Variants in ZAP70 observed in about 807,000 individuals in gnomAD.
The protein encoded by ZAP70 is zeta chain of T cell receptor associated protein kinase 70.
Under a neutral mutation model 65.8 loss-of-function variants are expected in ZAP70, and 27 were observed. That is an observed-to-expected ratio of 0.41 (90% CI 0.30 to 0.57). The LOEUF (loss-of-function observed/expected upper bound fraction) is 0.57. ZAP70 is among the 20% of genes least tolerant of loss of function. The pLI is 0.28. For synonymous variants in ZAP70, 363 were observed against 360.8 expected, an observed-to-expected ratio of 1.01 and a Z score of -0.07; for missense variants, 696 against 870.5, an observed-to-expected ratio of 0.80 and a Z score of 2.52.
At chr2:97,744,773 C>T (rs1241530555), downstream of ZAP70, among the ~76,000 whole-genome samples, 4 of 152,140 alleles carry the variant, frequency 2.6e-5, no homozygotes, top group Non-Finnish European at 5.9e-5. Flanking sequence ...GGTACCAGGA[C>T]AACTTGATTT....
At chr2:97,726,916 C>A (rs1329386938) in intron 4 of ZAP70, among the ~76,000 whole-genome samples, 1 of 152,236 alleles carries the variant, frequency 6.6e-6, no homozygotes, top group Non-Finnish European at 1.5e-5. Context: ...CAGTTTATTG[C>A]TCTTCATGAT....
intron 4 of ZAP70, 113 bp downstream of exon 4, chr2:97,725,365 C>T (rs536768729): frequency 2.3e-6 from 3 of 1,331,602 alleles, no homozygotes; most frequent in African/African-American, 2.9e-5. Flanking sequence ...TCCCTGTGCT[C>T]ACATGTGCAA....
Position 97,730,878 on chromosome 2 carries a change from A to T in ZAP70, c.564-2005A>T, listed in dbSNP as rs537866679. 3.5e-3 allele frequency among the ~76,000 whole-genome samples: 536 copies of T among 152,120 alleles called. 1 individual carries two copies. Among genetic ancestry groups the T allele is most frequent in the Non-Finnish European group, 5.2e-3 (351 of 67,984 alleles). On this transcript the variant is annotated intron_variant, in intron 4 of 13. Transcript: ENST00000264972. Reference sequence around the variant, plus strand: ...AGACCATCCTATCTAACACAGTGAAACCCCATCTCTACTAAAAATACAAAA... The same window carrying T: ...AGACCATCCTATCTAACACAGTGAATCCCCATCTCTACTAAAAATACAAAA...
intron 4 of ZAP70, among the ~76,000 whole-genome samples, chr2:97,732,416 A>G (rs1677646140): frequency 1.3e-5 from 2 of 152,178 alleles, no homozygotes; most frequent in South Asian, 2.1e-4. Flanking sequence ...TCTGTTGTAG[A>G]AGGCCAAGTG....
At chr2:97,755,177 A>G in the ZAP70 span, among the ~76,000 whole-genome samples, 1 of 152,210 alleles carries the variant, frequency 6.6e-6, no homozygotes, top group Non-Finnish European at 1.5e-5. Context: ...GATTAAACCA[A>G]CCGATGCGTT....
At chr2:97,748,000 C>G in the ZAP70 span, among the ~76,000 whole-genome samples, 1 of 151,850 alleles carries the variant, frequency 6.6e-6, no homozygotes, top group Non-Finnish European at 1.5e-5. Context: ...AGCCAAGTGT[C>G]TAGATTTTAA....
At chr2:97,716,024 C>T (rs1676895902) in intron 2 of ZAP70, among the ~76,000 whole-genome samples, 1 of 152,126 alleles carries the variant, frequency 6.6e-6, no homozygotes, top group African/African-American at 2.4e-5. Flanking sequence ...GGATGGGGAC[C>T]CTGGAAGCCT....
In ZAP70 at chr2:97,735,300, C is replaced by T. The variant is rs921796161; in HGVS notation, c.1133C>T (p.Ala378Val). Residue 378 changes from alanine to valine, a missense_variant, in exon 10 of 14, where the codon GCA becomes GTA. Around this residue, in one of 3 missense-constraint regions of ZAP70, gnomAD observed 551 missense variants for 630.0 expected, o/e 0.87. Coordinates refer to ENST00000264972, the MANE Select transcript of ZAP70 (RefSeq NM_001079.4). ...GTGCTGAAGCAGGGCACGGAGAAGG[C>T]AGACACGGAAGAGATGATGCGCGAG... The part of the protein sequence containing the change: ...IKVLKQGTEK[A>V]DTEEMMREAQ... The T allele has an allele frequency of 6.2e-7, 1 of 1,614,008 alleles. No homozygotes were observed. The highest frequency in any genetic ancestry group is 1.7e-5 in the Admixed American group (1 of 60,014).
At chr2:97,745,511 C>T in the ZAP70 span, among the ~76,000 whole-genome samples, 1 of 152,114 alleles carries the variant, frequency 6.6e-6, no homozygotes, top group Non-Finnish European at 1.5e-5. Context: ...GCAAAAGACT[C>T]GAACAGACAT....
At chr2:97,745,606 C>T in the ZAP70 span, among the ~76,000 whole-genome samples, 9 of 152,166 alleles carry the variant, frequency 5.9e-5, no homozygotes, top group Non-Finnish European at 1.2e-4. Context: ...ATAAAAACCA[C>T]AGTGACAAGC....
chr2:97,739,738 CG>C lies in ZAP70; in HGVS notation c.*242del. On this transcript the variant is annotated 3_prime_UTR_variant, in exon 14 of 14. Coordinates refer to ENST00000264972, the MANE Select transcript of ZAP70 (RefSeq NM_001079.4). ...CAGCCTGTCCTGGGCTGGTGGCTCC[CG>C]GAGGGCCCTGAGCTGAGGGCATTGC... 1.6e-6 allele frequency: 1 copy of C among 617,680 alleles called. No homozygotes were observed. Among genetic ancestry groups the C allele is most frequent in the African/African-American group, 1.8e-5 (1 of 54,312 alleles). The allele number at this position is 617,680 out of a possible 1,614,324, so 38.3% of individuals were successfully genotyped here.
downstream of ZAP70, among the ~76,000 whole-genome samples, chr2:97,740,169 A>G (rs1678088481): frequency 6.6e-6 from 1 of 152,032 alleles, no homozygotes; most frequent in Non-Finnish European, 1.5e-5. Flanking sequence ...AGCTATTTTA[A>G]CAAACGCTAA....
chr2:97,713,718 G>T (rs1316174237), intron 1 of ZAP70, 44 bp downstream of exon 1: 1 of 152,454 alleles, frequency 6.6e-6, no homozygotes, highest in Non-Finnish European at 1.5e-5. Flanking sequence ...CCTGCCACCA[G>T]GGCCACCCCA....
At chr2:97,722,775 G>A (rs866583759) in intron 2 of ZAP70, among the ~76,000 whole-genome samples, 2 of 152,184 alleles carry the variant, frequency 1.3e-5, no homozygotes, top group African/African-American at 2.4e-5. Flanking sequence ...TGTCTATCTG[G>A]CTGTCTATCC....
chr2:97,745,814 C>A, the ZAP70 span, among the ~76,000 whole-genome samples: 5 of 152,176 alleles, frequency 3.3e-5, no homozygotes, highest in African/African-American at 1.2e-4. Flanking sequence ...TAAGTATACA[C>A]CCCAGTGAAT....
chr2:97,741,871 A>G (rs1303538955), downstream of ZAP70, among the ~76,000 whole-genome samples: 1 of 152,230 alleles, frequency 6.6e-6, no homozygotes, highest in East Asian at 1.9e-4. Context: ...TCAGGGTGAT[A>G]ACCACTGGCA....
chr2:97,735,051 G>T, intron 9 of ZAP70, 199 bp from the exon 10 acceptor site: 1 of 696,490 alleles, frequency 1.4e-6, no homozygotes, highest in Non-Finnish European at 2.4e-6. Context: ...GCTGTTCCCG[G>T]TGAGCGATCC....
chr2:97,734,709 G>A lies in ZAP70; in HGVS notation c.1079G>A (p.Arg360His), dbSNP rs869025224. 2 of 1,613,658 alleles carry A rather than the reference G, an allele frequency of 1.2e-6. No individual in the cohort carries two copies. The highest frequency in any genetic ancestry group is 1.1e-5 in the South Asian group (1 of 91,088). The stretch of plus-strand genomic sequence containing the variant: ...GTGCGCCAGGGCGTGTACCGCATGC[G>A]CAAGTATGGCCGCCCCTGCCGTGGT... ...GSVRQGVYRM[R>H]KKQIDVAIKV... Residue 360 changes from arginine (R) to histidine (H), a missense_variant, in exon 9 of 14, where the codon CGC (arginine) becomes CAC (histidine). Around this residue, in one of 3 missense-constraint regions of ZAP70, gnomAD observed 551 missense variants for 630.0 expected, o/e 0.87. Transcript: ENST00000264972.
chr2:97,732,553 G>C (rs1367677343), intron 4 of ZAP70: 4 of 438,268 alleles, frequency 9.1e-6, no homozygotes, highest in Admixed American at 3.6e-5. Context: ...GGGACCAGGT[G>C]TTCCCCAGTG....
Sources: allele counts gnomAD v4.1 joint callset (sites outside exome capture counted in the v4.1 genomes callset), GRCh38; gene constraint gnomAD v4.1.1; regional missense constraint gnomAD v4.1.1; transcripts MANE v1.5; gene names NCBI Gene and HGNC (gene_info 2026-07-23, HGNC 2026-07-21).